The following PRPS1 variants were observed in gnomAD, a reference collection of about 807,000 sequenced individuals.
PRPS1 encodes ribose-phosphate pyrophosphokinase 1.
In PRPS1, 1 loss-of-function variant was observed where a neutral mutation model predicts 16.9. The observed-to-expected ratio is 0.06, with a 90% confidence interval of 0.02 to 0.28. The LOEUF (loss-of-function observed/expected upper bound fraction) is 0.28, where lower values mean the gene tolerates loss of function less well. PRPS1 is among the 10% of genes least tolerant of loss of function. The pLI, the probability that PRPS1 is intolerant of heterozygous loss-of-function variation, is 1.00. For synonymous variants in PRPS1, 70 were observed against 90.2 expected (o/e 0.78, Z 1.27); for missense variants, 47 against 254.0 (o/e 0.19, Z 5.54).
chrX:107,633,512 G>A (rs1009186676), intron 1 of PRPS1, among the ~76,000 whole-genome samples: 5 of 110,565 alleles, frequency 4.5e-5, no homozygotes, highest in African/African-American at 9.9e-5. Flanking sequence ...TGGTACTAGC[G>A]ACTGTATTGG....
Position 107,645,161 on chromosome X carries a change from A to T in PRPS1, c.531-16A>T. ...TTAGAAGCCACACATACATATGAAC[A>T]CGCTCTGTTTTGCAGAGTGACCTCC... On this transcript the variant is annotated splice_polypyrimidine_tract_variant and intron_variant, in intron 4 of 6. Transcript: ENST00000372435. 8.3e-7 allele frequency: 1 copy of T among 1,211,325 alleles called. No homozygotes were observed. The highest frequency in any genetic ancestry group is 1.1e-6 in the Non-Finnish European group (1 of 894,995).
chrX:107,637,503 G>C (rs1363623848), intron 1 of PRPS1, among the ~76,000 whole-genome samples: 1 of 111,226 alleles, frequency 9.0e-6, no homozygotes, highest in South Asian at 3.8e-4. Flanking sequence ...AACAGTAATA[G>C]GTGATGCATC....
intron 1 of PRPS1, among the ~76,000 whole-genome samples, chrX:107,633,746 G>A (rs1925362710): frequency 9.1e-6 from 1 of 110,347 alleles, no homozygotes; most frequent in Admixed American, 9.7e-5. Flanking sequence ...GGCCAATGTG[G>A]CAAAACCCCA....
At chrX:107,633,421 C>CAAAAA (rs1182721428) in intron 1 of PRPS1, among the ~76,000 whole-genome samples, 1 of 32,954 alleles carries the variant, frequency 3.0e-5, no homozygotes, top group African/African-American at 9.2e-5. Context: ...GACTCCATCT[C>CAAAAA]AAAAAAAAAA....
At chrX:107,648,480 G>A (rs1363954240) in intron 6 of PRPS1, among the ~76,000 whole-genome samples, 7 of 104,142 alleles carry the variant, frequency 6.7e-5, no homozygotes, top group East Asian at 3.0e-4. Context: ...GCCGGAGTGC[G>A]CAATCAAAGC....
intron 1 of PRPS1, among the ~76,000 whole-genome samples, chrX:107,634,629 T>C (rs1213584062): frequency 9.0e-6 from 1 of 110,805 alleles, no homozygotes; most frequent in African/African-American, 3.3e-5. Context: ...TTCATAAAGT[T>C]ATTTAGAAAC....
intron 1 of PRPS1, 110 bp downstream of exon 1, chrX:107,628,860 G>A (rs1253887719): frequency 2.8e-6 from 3 of 1,081,788 alleles, no homozygotes; most frequent in East Asian, 3.2e-5. Context: ...GGGGGGAGAG[G>A]GTGCAGCTCT....
At chrX:107,632,620 A>C (rs1925332448) in intron 1 of PRPS1, among the ~76,000 whole-genome samples, 1 of 112,559 alleles carries the variant, frequency 8.9e-6, no homozygotes, top group African/African-American at 3.2e-5. Flanking sequence ...TTTGGAGAAC[A>C]CTCCATTAAC....
intron 1 of PRPS1, 70 bp downstream of exon 1, chrX:107,628,820 C>T: frequency 8.4e-7 from 1 of 1,194,157 alleles, no homozygotes; most frequent in South Asian, 1.8e-5. Context: ...GGGATGGGGT[C>T]GCCGCTTGAG....
intron 1 of PRPS1, among the ~76,000 whole-genome samples, chrX:107,632,835 C>A (rs1925337302): frequency 8.9e-6 from 1 of 111,917 alleles, no homozygotes; most frequent in African/African-American, 3.2e-5. Context: ...AATTCACGGA[C>A]TTTTTAAGAC....
intron 1 of PRPS1, 101 bp downstream of exon 1, chrX:107,628,851 G>T (rs1172820328): frequency 1.1e-5 from 12 of 1,117,034 alleles, no homozygotes; most frequent in African/African-American, 1.8e-5. Flanking sequence ...CTGGGGGTTG[G>T]GGGGAGAGGG....
intron 5 of PRPS1, among the ~76,000 whole-genome samples, chrX:107,645,603 T>G (rs1925675037): frequency 8.9e-6 from 1 of 111,835 alleles, no homozygotes; most frequent in Non-Finnish European, 1.9e-5. Flanking sequence ...TTTTAACTAT[T>G]TTAAGTGTAT....
Position 107,650,572 on chromosome X carries a change from G to A in PRPS1, c.*540G>A, listed in dbSNP as rs1184147023. ...GGTGGGGGGTGGGGGGTGGTTGAGGGGGGAGGCAGCACAGTGCAGCAAATG... is the reference window on the plus strand; with the variant it reads ...GGTGGGGGGTGGGGGGTGGTTGAGGAGGGAGGCAGCACAGTGCAGCAAATG... On this transcript the variant is annotated 3_prime_UTR_variant, in exon 7 of 7. Transcript: ENST00000372435. The A allele has an allele frequency of 8.7e-6, 2 of 231,005 alleles. No individual in the cohort carries two copies. Among genetic ancestry groups the A allele is most frequent in the Non-Finnish European group, 1.5e-5 (2 of 131,975 alleles). 19.0% of individuals were successfully genotyped at this position (231,005 alleles called of 1,213,427 possible).
At chrX:107,644,846 G>A (rs1488763554) in intron 4 of PRPS1, among the ~76,000 whole-genome samples, 2 of 109,162 alleles carry the variant, frequency 1.8e-5, no homozygotes, top group East Asian at 2.9e-4. Context: ...ACAGAGTCTC[G>A]CTCTGTCACC....
At chrX:107,639,574 G>A in intron 2 of PRPS1, 96 bp downstream of exon 2, 1 of 923,797 alleles carries the variant, frequency 1.1e-6, no homozygotes, top group Non-Finnish European at 1.5e-6. Flanking sequence ...TATTTAGGGG[G>A]AATTTTAAAA....
intron 1 of PRPS1, 91 bp downstream of exon 1, chrX:107,628,841 C>T (rs1925245113): frequency 1.7e-6 from 2 of 1,155,567 alleles, no homozygotes; most frequent in Non-Finnish European, 2.3e-6. Flanking sequence ...CTCAAACAGA[C>T]TGGGGGTTGG....
chrX:107,639,746 A>G (rs2147681654), intron 2 of PRPS1, among the ~76,000 whole-genome samples: 1 of 111,084 alleles, frequency 9.0e-6, no homozygotes, highest in East Asian at 2.8e-4. Context: ...CTAAGCACCA[A>G]CTCCTCTGGA....
At chrX:107,638,878 G>A (rs760853439) in intron 1 of PRPS1, among the ~76,000 whole-genome samples, 14 of 110,765 alleles carry the variant, frequency 1.3e-4, no homozygotes, top group Middle Eastern at 4.7e-3. Flanking sequence ...GACTACAGGC[G>A]CCTGCCACCA....
chrX:107,634,706 TG>T (rs1422402007), intron 1 of PRPS1, among the ~76,000 whole-genome samples: 1 of 111,802 alleles, frequency 8.9e-6, no homozygotes, highest in East Asian at 2.8e-4. Flanking sequence ...AGTAACATCA[TG>T]GACAATATAA....
Sources: gnomAD v4.1 joint callset for allele counts (sites outside exome capture counted in the v4.1 genomes callset) on GRCh38, gnomAD v4.1.1 for gene constraint, MANE v1.5 for transcripts, NCBI Gene and HGNC (gene_info 2026-07-23, HGNC 2026-07-21) for gene names.